PSG2: variants seen among roughly 807,000 people sequenced by gnomAD.
PSG2 encodes pregnancy specific beta-1-glycoprotein 2.
In PSG2, 49 loss-of-function variants were observed where a neutral mutation model predicts 36.2. The observed-to-expected ratio is 1.35, with a 90% confidence interval of 1.08 to 1.72. The LOEUF is 1.72. PSG2 is among the 40% of genes most tolerant of loss of function. PSG2 has a pLI of 0.00. For synonymous variants in PSG2, 261 were observed against 155.6 expected (o/e 1.68, Z -5.04); for missense variants, 605 against 407.2 (o/e 1.49, Z -4.18).
chr19:43,072,712 C>T, intron 3 of PSG2: 1 of 1,572,848 alleles, frequency 6.4e-7, no homozygotes, highest in Non-Finnish European at 8.6e-7. Context: ...GTTACCATCT[C>T]CCACCTCTCA....
At chr19:43,067,994 G>T (rs535051852) in intron 4 of PSG2, among the ~76,000 whole-genome samples, 14 of 151,360 alleles carry the variant, frequency 9.2e-5, no homozygotes, top group African/African-American at 2.7e-4. Flanking sequence ...GGATTAGAGT[G>T]GACATAAATA....
intron 2 of PSG2, among the ~76,000 whole-genome samples, chr19:43,079,270 C>T (rs1967937975): frequency 6.6e-6 from 1 of 151,384 alleles, no homozygotes; most frequent in Admixed American, 6.6e-5. Context: ...CCCCCAGTTC[C>T]ACAGTCCAGA....
intron 2 of PSG2, among the ~76,000 whole-genome samples, chr19:43,077,187 G>T (rs541233054): frequency 6.6e-6 from 1 of 151,692 alleles, no homozygotes; most frequent in South Asian, 2.1e-4. Flanking sequence ...CCAAAATAAG[G>T]TTTAGGTGTG....
intron 5 of PSG2, 27 bp downstream of exon 5, chr19:43,066,490 C>A (rs1487484571): frequency 6.8e-7 from 1 of 1,471,710 alleles, no homozygotes; most frequent in East Asian, 2.3e-5. Flanking sequence ...TCTGCAGGAA[C>A]CAGGATAAGA....
At chr19:43,067,257 A>T (rs1032129019) in intron 4 of PSG2, among the ~76,000 whole-genome samples, 2 of 150,738 alleles carry the variant, frequency 1.3e-5, no homozygotes, top group Non-Finnish European at 2.9e-5. Context: ...TACTACCTTC[A>T]TGCCTGCCCC....
intron 1 of PSG2, 109 bp downstream of exon 1, chr19:43,082,393 GCCTC>G: frequency 6.7e-7 from 1 of 1,497,144 alleles, no homozygotes; most frequent in South Asian, 1.1e-5. Context: ...ACCCACCTCA[GCCTC>G]CCTAAGTGCT....
At chr19:43,064,713 A>G (rs1967716417) in intron 5 of PSG2, 112 bp from the exon 6 acceptor site, 1 of 376,942 alleles carries the variant, frequency 2.7e-6, no homozygotes, top group Non-Finnish European at 5.1e-6. Flanking sequence ...TAAAAATCTA[A>G]TGAGAATTTA....
chr19:43,070,353 C>G (rs1051312952), intron 4 of PSG2, among the ~76,000 whole-genome samples: 9 of 151,618 alleles, frequency 5.9e-5, no homozygotes, highest in African/African-American at 2.2e-4. Context: ...TCTGGACATA[C>G]TCCCCATAGA....
chr19:43,077,559 C>G (rs1287118714), intron 2 of PSG2, among the ~76,000 whole-genome samples: 48 of 151,658 alleles, frequency 3.2e-4, no homozygotes, highest in Admixed American at 3.2e-3. Context: ...TGTCTCCCCA[C>G]AAGAAGAACT....
intron 4 of PSG2, among the ~76,000 whole-genome samples, 193 bp from the exon 5 acceptor site, chr19:43,066,793 G>A (rs1967745928): frequency 6.6e-6 from 1 of 151,500 alleles, no homozygotes; most frequent in Non-Finnish European, 1.5e-5. Context: ...GTCTCGGTTG[G>A]TGATCAGTCC....
intron 4 of PSG2, 49 bp from the exon 5 acceptor site, chr19:43,066,649 C>A: frequency 6.0e-6 from 9 of 1,512,560 alleles, no homozygotes; most frequent in Non-Finnish European, 8.3e-6. Flanking sequence ...TGTTATTTTA[C>A]ATGGGGGAGC....
At chr19:43,073,975 G>T (rs1296358404) in intron 3 of PSG2, among the ~76,000 whole-genome samples, 11 of 151,696 alleles carry the variant, frequency 7.3e-5, no homozygotes, top group Non-Finnish European at 1.5e-5. Flanking sequence ...ATAAGCCAAA[G>T]ATATTCTTGC....
chr19:43,081,395 AC>A (rs1967973363), intron 1 of PSG2, 149 bp from the exon 2 acceptor site: 23 of 1,244,202 alleles, frequency 1.8e-5, no homozygotes, highest in African/African-American at 3.3e-5. Flanking sequence ...ACACACACAC[AC>A]ACAAAAGGGG....
At chr19:43,064,966 G>A (rs1164687892) in intron 5 of PSG2, among the ~76,000 whole-genome samples, 1 of 151,608 alleles carries the variant, frequency 6.6e-6, no homozygotes, top group Non-Finnish European at 1.5e-5. Context: ...TGAGTAGCTG[G>A]GACTACAGGT....
Position 43,071,723 on chromosome 19 carries a change from G to A in PSG2, c.941C>T (p.Thr314Ile), listed in dbSNP as rs760593383. 6.2e-6 allele frequency: 10 copies of A among 1,612,858 alleles called. No individual in the cohort carries two copies. Among genetic ancestry groups the A allele is most frequent in the Non-Finnish European group, 8.5e-6 (10 of 1,179,468 alleles). Residue 314 changes from threonine (T) to isoleucine (I), a missense_variant, in exon 4 of 6, where the codon ACA becomes ATA. Thr to Ile is a moderately conservative substitution (Grantham distance 89, BLOSUM62 -1). Transcript: ENST00000406487. ...ACCAGAGACTTTGACTGTCAACGAT[G>A]TGGAGCTTTCCTCGCCAGTGGCTGA... ...RNSATGEESSTSLTVKVSAST... is the reference protein window; with the variant it reads ...RNSATGEESSISLTVKVSAST...
intron 3 of PSG2, among the ~76,000 whole-genome samples, chr19:43,074,116 A>G (rs1967857287): frequency 6.6e-6 from 1 of 151,590 alleles, no homozygotes; most frequent in African/African-American, 2.4e-5. Flanking sequence ...TTTCTGTGTC[A>G]TCAGAACTTT....
rs188085905 is a variant in PSG2, at chr19:43,080,299, T to G, written c.430+582A>C. ...ACTCTGCCTCTCCTGTTTTGACCTC[T>G]GTCCTCTACACCATTGCCCAGATGA... On this transcript the variant is annotated intron_variant, in intron 2 of 5. Transcript: ENST00000406487. Among the ~76,000 whole-genome samples the G allele has an allele frequency of 1.8e-4, 27 of 151,828 alleles. 3 individuals are homozygous for G. The East Asian group carries it at 3.1e-3, about 17-fold the overall frequency.
rs762496878 is a variant in PSG2, at chr19:43,080,963, G to A, written c.348C>T (p.Asp116=). ...TGATGTGTAAGGTGTAGGATCCTGC[G>A]TCCTCCCGGGTGACATTCTGGATCA... is the stretch of plus-strand genomic sequence containing the variant. ...SLLIQNVTRE[D]AGSYTLHIIK... Residue 116 remains aspartate (D), a synonymous_variant, in exon 2 of 6, where the codon GAC becomes GAT. Transcript: ENST00000406487. 2.8e-5 allele frequency: 45 copies of A among 1,613,020 alleles called. 1 individual carries two copies. Among genetic ancestry groups the A allele is most frequent in the East Asian group, 8.9e-5 (4 of 44,862 alleles).
chr19:43,068,718 C>T (rs1967776274), intron 4 of PSG2, among the ~76,000 whole-genome samples: 1 of 151,606 alleles, frequency 6.6e-6, no homozygotes. Flanking sequence ...AAGGAAACCA[C>T]TTCAACATAA....
Sources: gnomAD v4.1 joint callset for allele counts (sites outside exome capture counted in the v4.1 genomes callset) on GRCh38, gnomAD v4.1.1 for gene constraint, MANE v1.5 for transcripts, NCBI Gene and HGNC (gene_info 2026-07-23, HGNC 2026-07-21) for gene names.